PRKCB: variants seen among roughly 807,000 people sequenced by gnomAD.
PRKCB encodes protein kinase C beta, also known as protein kinase C beta type.
PRKCB carries 13 observed loss-of-function variants against 81.5 expected under a neutral mutation model. The observed-to-expected ratio is 0.16, with a 90% CI of 0.10 to 0.25. PRKCB has a LOEUF of 0.25. PRKCB is among the 10% of genes least tolerant of loss of function. PRKCB has a pLI of 1.00. For missense variants in PRKCB, 509 were observed against 875.7 expected (o/e 0.58, Z 5.29); for synonymous variants, 335 against 321.4 (o/e 1.04, Z -0.45).
rs2141997569 is a variant in PRKCB, at chr16:24,217,551, G to A, written c.*2735G>A. 2.0e-6 allele frequency: 2 copies of A among 985,398 alleles called. No individual in the cohort carries two copies. Among genetic ancestry groups the A allele is most frequent in the South Asian group, 4.7e-5 (1 of 21,278 alleles). The allele number at this position is 985,398 out of a possible 1,614,324, so 61.0% of individuals were successfully genotyped here. On this transcript the variant is annotated 3_prime_UTR_variant, in exon 17 of 17. Coordinates refer to ENST00000643927, the MANE Select transcript of PRKCB (RefSeq NM_002738.7). ...AGCTTATTCTCTCCCAACTTCTACG[G>A]TAAAATCCAGGAGTATTTTCTCTGG...
chr16:23,969,077 A>T lies in PRKCB; in HGVS notation c.206-19431A>T, dbSNP rs201907503. Among the ~76,000 whole-genome samples, 4 of 152,096 alleles carry T rather than the reference A, an allele frequency of 2.6e-5. No homozygotes were observed. In the East Asian group the frequency reaches 7.7e-4, roughly 29 times the overall value. ...CCAAGCTACTCAGGAGGCTGAGGCA[A>T]GTGAATTGCTTGAACCTGGGAGGCG... On this transcript the variant is annotated intron_variant, in intron 2 of 16. Coordinates refer to ENST00000643927, the MANE Select transcript of PRKCB (RefSeq NM_002738.7).
chr16:24,084,410 G>C (rs1201814263), intron 5 of PRKCB, among the ~76,000 whole-genome samples: 2 of 151,992 alleles, frequency 1.3e-5, no homozygotes, highest in Admixed American at 6.6e-5. Context: ...GAAATGAAAG[G>C]AGTAATTTAC....
chr16:23,862,980 A>G (rs72777938), intron 2 of PRKCB, among the ~76,000 whole-genome samples: 1 of 152,014 alleles, frequency 6.6e-6, no homozygotes, highest in Non-Finnish European at 1.5e-5. Context: ...AATAATATTG[A>G]TTATTGCAAA....
At chr16:24,183,782 C>G (rs1967662629) in intron 13 of PRKCB, among the ~76,000 whole-genome samples, 1 of 152,206 alleles carries the variant, frequency 6.6e-6, no homozygotes, top group Admixed American at 6.5e-5. Context: ...GACTGCCTAA[C>G]CCTCAGACCT....
intron 2 of PRKCB, among the ~76,000 whole-genome samples, chr16:23,843,968 C>T (rs945625483): frequency 2.6e-5 from 4 of 152,220 alleles, no homozygotes; most frequent in Admixed American, 2.0e-4. Context: ...CATGCACACA[C>T]ACACACGTGT....
chr16:24,022,648 C>T (rs190366515), intron 3 of PRKCB, among the ~76,000 whole-genome samples: 138 of 152,158 alleles, frequency 9.1e-4, no homozygotes, highest in African/African-American at 3.2e-3. Flanking sequence ...CATGCCGCCA[C>T]GCCCGGCTAA....
chr16:24,087,030 A>G (rs1419669873), intron 5 of PRKCB, among the ~76,000 whole-genome samples: 2 of 152,156 alleles, frequency 1.3e-5, no homozygotes, highest in African/African-American at 2.4e-5. Flanking sequence ...CATTTTCTCT[A>G]CTAATGTATT....
chr16:23,926,010 C>T (rs1963891700), intron 2 of PRKCB, among the ~76,000 whole-genome samples: 1 of 151,646 alleles, frequency 6.6e-6, no homozygotes, highest in South Asian at 2.1e-4. Context: ...CATGGTGGCT[C>T]ATGCCTGTCA....
At chr16:24,053,663 T>A (rs1191046456) in intron 5 of PRKCB, among the ~76,000 whole-genome samples, 3 of 152,144 alleles carry the variant, frequency 2.0e-5, no homozygotes, top group Non-Finnish European at 4.4e-5. Flanking sequence ...ATGGGGACAT[T>A]GAGTAAAGAC....
At chr16:23,950,384 T>C (rs1272975326) in intron 2 of PRKCB, among the ~76,000 whole-genome samples, 2 of 152,160 alleles carry the variant, frequency 1.3e-5, no homozygotes, top group Non-Finnish European at 2.9e-5. Flanking sequence ...TCCCAACCCA[T>C]TGTCAGGCAG....
intron 1 of PRKCB, among the ~76,000 whole-genome samples, chr16:23,837,006 G>T (rs1962173402): frequency 1.3e-5 from 2 of 151,754 alleles, no homozygotes; most frequent in African/African-American, 4.8e-5. Context: ...GGACACCACC[G>T]CCGCGGGGTC....
chr16:23,960,237 A>G (rs1360049752), intron 2 of PRKCB, among the ~76,000 whole-genome samples: 1 of 152,154 alleles, frequency 6.6e-6, no homozygotes, highest in Non-Finnish European at 1.5e-5. Flanking sequence ...AAAAAATTTC[A>G]CAAAAATACT....
chr16:24,203,473 A>G (rs1486210648), intron 16 of PRKCB, among the ~76,000 whole-genome samples: 1 of 152,120 alleles, frequency 6.6e-6, no homozygotes, highest in Admixed American at 6.5e-5. Context: ...AGTCACCTCC[A>G]AAAGTTCCCA....
intron 2 of PRKCB, among the ~76,000 whole-genome samples, chr16:23,841,358 G>A (rs1962260688): frequency 1.3e-5 from 2 of 152,084 alleles, no homozygotes; most frequent in African/African-American, 2.4e-5. Context: ...CAGATTACAG[G>A]CATGAGCTAC....
chr16:23,951,148 G>A (rs1435452474), intron 2 of PRKCB, among the ~76,000 whole-genome samples: 2 of 152,344 alleles, frequency 1.3e-5, no homozygotes, highest in African/African-American at 2.4e-5. Context: ...CATGTGCAAA[G>A]CACGTGGGAG....
intron 8 of PRKCB, among the ~76,000 whole-genome samples, chr16:24,115,564 G>A (rs202200917): frequency 2.0e-5 from 3 of 150,834 alleles, no homozygotes; most frequent in East Asian, 2.0e-4. Flanking sequence ...TATTTATCCC[G>A]ATGATTTTAG....
At chr16:24,092,447 A>AT (rs1389732453) in intron 5 of PRKCB, among the ~76,000 whole-genome samples, 1 of 152,374 alleles carries the variant, frequency 6.6e-6, no homozygotes, top group East Asian at 1.9e-4. Flanking sequence ...GTGCTGATAC[A>AT]TGCTATAATG....
chr16:24,174,694 C>G, intron 12 of PRKCB, 114 bp downstream of exon 12: 3 of 1,011,390 alleles, frequency 3.0e-6, no homozygotes, highest in Non-Finnish European at 1.5e-6. Flanking sequence ...AGGAATCCTC[C>G]AGAACTAACT....
At chr16:24,189,136 C>A (rs942052650) in intron 15 of PRKCB, among the ~76,000 whole-genome samples, 1 of 152,170 alleles carries the variant, frequency 6.6e-6, no homozygotes, top group East Asian at 1.9e-4. Context: ...GTGTGAAATG[C>A]ACTCCCATTT....
Sources: allele counts gnomAD v4.1 joint callset (sites outside exome capture counted in the v4.1 genomes callset), GRCh38; gene constraint gnomAD v4.1.1; transcripts MANE v1.5; gene names NCBI Gene and HGNC (gene_info 2026-07-23, HGNC 2026-07-21).